PBX1: variants seen among roughly 807,000 people sequenced by gnomAD.
The protein encoded by PBX1 is pre-B-cell leukemia transcription factor 1.
A neutral mutation model predicts 53.4 loss-of-function variants in PBX1; 6 were observed. The observed-to-expected ratio is 0.11, with a 90% CI of 0.06 to 0.22. The LOEUF (loss-of-function observed/expected upper bound fraction) is 0.22. Ranked by LOEUF, PBX1 falls within the 10% of genes least tolerant of loss-of-function variation. The pLI is 1.00. For synonymous variants in PBX1, 204 were observed against 212.3 expected (o/e 0.96, Z 0.34); for missense variants, 251 against 551.4 (o/e 0.46, Z 5.46).
intron 2 of PBX1, among the ~76,000 whole-genome samples, chr1:164,630,326 A>G (rs1370421781): frequency 6.6e-6 from 1 of 152,154 alleles, no homozygotes; most frequent in Non-Finnish European, 1.5e-5. Flanking sequence ...TGGATGGGTA[A>G]GATGGGATTT....
At chr1:164,809,216 G>A (rs990648400) in intron 5 of PBX1, among the ~76,000 whole-genome samples, 10 of 152,116 alleles carry the variant, frequency 6.6e-5, no homozygotes, top group African/African-American at 1.9e-4. Flanking sequence ...AAGGTAAAAG[G>A]AATTCTCCTG....
intron 2 of PBX1, among the ~76,000 whole-genome samples, chr1:164,712,059 C>T (rs987705013): frequency 7.4e-5 from 11 of 149,550 alleles, no homozygotes; most frequent in African/African-American, 2.5e-4. Context: ...TCCCATCTGC[C>T]TTGCAGGGAA....
At chr1:164,812,284 G>C in intron 6 of PBX1, 135 bp downstream of exon 6, 1 of 849,866 alleles carries the variant, frequency 1.2e-6, no homozygotes, top group South Asian at 2.1e-5. Context: ...TGTATTTTTG[G>C]ATGTTAATGT....
chr1:164,665,720 C>A (rs1028599327), intron 2 of PBX1, among the ~76,000 whole-genome samples: 32 of 152,230 alleles, frequency 2.1e-4, no homozygotes, highest in African/African-American at 6.8e-4. Context: ...ACCTCTGCTT[C>A]TAGCAGCCAG....
chr1:164,746,518 AG>A (rs1157431377), intron 2 of PBX1, among the ~76,000 whole-genome samples: 1 of 152,180 alleles, frequency 6.6e-6, no homozygotes, highest in Non-Finnish European at 1.5e-5. Context: ...CTGGGATTAC[AG>A]GCATGTGCCA....
chr1:164,858,572 G>A (rs555146082), intron 2 of PBX1, among the ~76,000 whole-genome samples: 29 of 152,162 alleles, frequency 1.9e-4, no homozygotes, highest in African/African-American at 6.5e-4. Flanking sequence ...CCTCACTAAT[G>A]TTTCCTTTAT....
At chr1:164,838,125 T>C (rs2102404611) in intron 8 of PBX1, among the ~76,000 whole-genome samples, 1 of 152,336 alleles carries the variant, frequency 6.6e-6, no homozygotes, top group Admixed American at 6.5e-5. Context: ...AATCTTCCAG[T>C]TGGTGACTGA....
chr1:164,658,746 T>C (rs1660315491), intron 2 of PBX1, among the ~76,000 whole-genome samples: 1 of 152,234 alleles, frequency 6.6e-6, no homozygotes, highest in African/African-American at 2.4e-5. Context: ...AGTTACCTTA[T>C]AATAATAACA....
At chr1:164,657,738 G>T (rs964938605) in intron 2 of PBX1, among the ~76,000 whole-genome samples, 5 of 152,150 alleles carry the variant, frequency 3.3e-5, no homozygotes, top group African/African-American at 4.8e-5. Flanking sequence ...CTTTGATAGG[G>T]TACCAGTCAA....
At chr1:164,715,589 T>G (rs962461975) in intron 2 of PBX1, among the ~76,000 whole-genome samples, 6 of 152,198 alleles carry the variant, frequency 3.9e-5, no homozygotes, top group African/African-American at 1.4e-4. Flanking sequence ...TGTTGTCTAG[T>G]GCTTAGAATA....
chr1:164,638,913 A>AAAAAGGGAG (rs1658951540), intron 2 of PBX1, among the ~76,000 whole-genome samples: 1 of 152,180 alleles, frequency 6.6e-6, no homozygotes, highest in African/African-American at 2.4e-5. Flanking sequence ...TGGCAGCAAG[A>AAAAAGGGAG]AAAAGGGAGT....
chr1:164,645,286 A>C (rs997732971), intron 2 of PBX1, among the ~76,000 whole-genome samples: 1 of 152,170 alleles, frequency 6.6e-6, no homozygotes, highest in African/African-American at 2.4e-5. Context: ...GGTGTCCGCC[A>C]GCAGAGGCCA....
intron 2 of PBX1, among the ~76,000 whole-genome samples, chr1:164,725,020 T>C (rs1557968161): frequency 6.6e-6 from 1 of 152,124 alleles, no homozygotes; most frequent in Non-Finnish European, 1.5e-5. Context: ...TGTGGTATCA[T>C]AGGAAAAAGA....
At chr1:164,687,873 A>G (rs140273064) in intron 2 of PBX1, among the ~76,000 whole-genome samples, 301 of 152,306 alleles carry the variant, frequency 2.0e-3, no homozygotes, top group African/African-American at 6.9e-3. Context: ...AACTTTGATA[A>G]GAACCAGGTG....
At position 164,832,325 on chromosome 1, in the gene PBX1, G is replaced by A. The variant is rs945437333; in HGVS notation, c.1200+10699G>A. Among the ~76,000 whole-genome samples, 5 of 152,284 alleles carry A rather than the reference G, an allele frequency of 3.3e-5. No individual in the cohort carries two copies. The East Asian group carries it at 7.7e-4, about 23-fold the overall frequency. On this transcript the variant is annotated intron_variant, in intron 8 of 8. Transcript: ENST00000420696. ...TATCCTCTCAGGGTGGCATATGGAA[G>A]GCTTACGACTAGTTCATTTCTTTAT...
rs544060258 is a variant in PBX1, at chr1:164,829,333, T to G, written c.1200+7707T>G. On this transcript the variant is annotated intron_variant, in intron 8 of 8. Transcript: ENST00000420696. ...TATAAGCATGATTGACATTTGTTAT[T>G]CTTACATAGATTTTGTGAGTGACTA... The G allele has an allele frequency of 1.1e-4, 16 of 152,346 alleles. No homozygotes were observed. The South Asian group carries it at 3.3e-3, about 32-fold the overall frequency. 9.4% of individuals were successfully genotyped at this position (152,346 alleles called of 1,614,324 possible).
At chr1:164,620,676 A>ATTCTT (rs1194711493) in intron 2 of PBX1, among the ~76,000 whole-genome samples, 3 of 150,594 alleles carry the variant, frequency 2.0e-5, no homozygotes, top group Non-Finnish European at 4.4e-5. Context: ...TTTCCCCTAT[A>ATTCTT]TTCTTTTCTT....
chr1:164,598,572 T>C lies in PBX1; in HGVS notation c.265+35261T>C, dbSNP rs76497823. ...TCTCTGAGGAACATACTAGTGTTTG[T>C]TGATTTTCTGTTGGATTACTGGAAC... On this transcript the variant is annotated intron_variant, in intron 2 of 8. Transcript: ENST00000420696. 0.015 allele frequency among the ~76,000 whole-genome samples: 2,311 copies of C among 152,340 alleles called. 241 individuals carry two copies. The East Asian group carries it at 0.28, about 18-fold the overall frequency.
At chr1:164,629,674 A>G (rs996397501) in intron 2 of PBX1, among the ~76,000 whole-genome samples, 4 of 152,240 alleles carry the variant, frequency 2.6e-5, no homozygotes, top group African/African-American at 9.6e-5. Flanking sequence ...AAATTATTTG[A>G]AAGATTTTAC....
Sources: gnomAD v4.1 joint callset for allele counts (sites outside exome capture counted in the v4.1 genomes callset) on GRCh38, gnomAD v4.1.1 for gene constraint, MANE v1.5 for transcripts, NCBI Gene and HGNC (gene_info 2026-07-23, HGNC 2026-07-21) for gene names.